CCDC3: variants seen among roughly 807,000 people sequenced by gnomAD.
CCDC3 encodes the protein coiled-coil domain-containing protein 3.
A neutral mutation model predicts 21.4 loss-of-function variants in CCDC3; 24 were observed. The ratio of observed to expected loss-of-function variants is 1.12; its 90% CI spans 0.81 to 1.58. CCDC3 has a LOEUF of 1.58. Among genes scored for constraint, CCDC3 ranks in the 40% most tolerant of loss-of-function variants. CCDC3 has a pLI of 0.00. For missense variants in CCDC3, 425 were observed against 360.9 expected, an observed-to-expected ratio of 1.18 and a Z score of -1.44; for synonymous variants, 186 against 166.0, an observed-to-expected ratio of 1.12 and a Z score of -0.93.
At chr10:12,917,177 CTTCTTTTTTT>C (rs1321110900) in intron 2 of CCDC3, among the ~76,000 whole-genome samples, 3 of 74,822 alleles carry the variant, frequency 4.0e-5, no homozygotes, top group East Asian at 4.0e-4. Flanking sequence ...CTTATTTCTT[CTTCTTTTTTT>C]TTTTTTTTTT....
At chr10:13,041,504 ATT>A (rs71477255) in intron 5 of CCDC3, among the ~76,000 whole-genome samples, 799 of 62,114 alleles carry the variant, frequency 0.013, 23 homozygotes, top group South Asian at 0.029. Context: ...CTGGCAGATA[ATT>A]TTTTTTTTTT....
intron 4 of CCDC3, among the ~76,000 whole-genome samples, chr10:13,072,305 C>T (rs1486420063): frequency 1.3e-5 from 2 of 152,150 alleles, no homozygotes; most frequent in African/African-American, 4.8e-5. Context: ...CTGTTTTCCC[C>T]AAAACAGTGC....
chr10:12,983,036 C>T lies in CCDC3; in HGVS notation c.549+15302G>A, dbSNP rs929539352. 6.7e-5 allele frequency among the ~76,000 whole-genome samples: 10 copies of T among 149,784 alleles called. 1 individual carries two copies. Among genetic ancestry groups the T allele is most frequent in the Admixed American group, 2.7e-4 (4 of 14,960 alleles). Reference sequence around the variant, plus strand: ...CTGAGGCACAAGAATGGCTTAAACCCGGAAGGCGGAGGTTCCAGTGAGCCA... The same window carrying T: ...CTGAGGCACAAGAATGGCTTAAACCTGGAAGGCGGAGGTTCCAGTGAGCCA... On this transcript the variant is annotated intron_variant, in intron 2 of 2. Transcript: ENST00000378825.
intron 4 of CCDC3, among the ~76,000 whole-genome samples, chr10:13,072,735 C>T (rs1020012741): frequency 2.6e-5 from 4 of 152,084 alleles, no homozygotes; most frequent in African/African-American, 9.7e-5. Context: ...TTCAATGTGT[C>T]CACATGTCTA....
At chr10:12,984,143 G>A (rs1461988812) in intron 2 of CCDC3, among the ~76,000 whole-genome samples, 2 of 152,136 alleles carry the variant, frequency 1.3e-5, no homozygotes, top group Non-Finnish European at 2.9e-5. Context: ...GAGAAAATGT[G>A]TACAAATCAT....
intron 3 of CCDC3, among the ~76,000 whole-genome samples, chr10:13,084,562 C>G (rs1217066386): frequency 6.6e-6 from 1 of 152,170 alleles, no homozygotes; most frequent in Non-Finnish European, 1.5e-5. Context: ...GCTGGGATTA[C>G]AGGCATGAGC....
At chr10:13,047,643 C>T (rs1836545989) in intron 5 of CCDC3, among the ~76,000 whole-genome samples, 1 of 152,154 alleles carries the variant, frequency 6.6e-6, no homozygotes, top group Non-Finnish European at 1.5e-5. Context: ...CAGTAATCTG[C>T]TCCGGAGCCC....
chr10:13,018,139 G>A (rs1357200829), intron 5 of CCDC3, among the ~76,000 whole-genome samples: 2 of 152,136 alleles, frequency 1.3e-5, no homozygotes, highest in Non-Finnish European at 1.5e-5. Flanking sequence ...GGCTGGGAGA[G>A]GGAATATGTG....
intron 5 of CCDC3, among the ~76,000 whole-genome samples, chr10:13,035,140 T>C (rs1295775747): frequency 6.6e-6 from 1 of 152,072 alleles, no homozygotes; most frequent in Non-Finnish European, 1.5e-5. Flanking sequence ...TAGAGAACAC[T>C]GATCTCTCTG....
At chr10:12,986,053 A>G (rs897548196) in intron 2 of CCDC3, among the ~76,000 whole-genome samples, 1 of 152,000 alleles carries the variant, frequency 6.6e-6, no homozygotes, top group African/African-American at 2.4e-5. Context: ...CTTTTTTTGT[A>G]TTTTTTAGTA....
chr10:13,081,145 A>G (rs1299906722), intron 3 of CCDC3, among the ~76,000 whole-genome samples: 3 of 150,408 alleles, frequency 2.0e-5, no homozygotes, highest in African/African-American at 7.3e-5. Context: ...CAACAAGAAG[A>G]CACTAGGAAC....
chr10:12,980,605 A>G (rs1440560213), intron 2 of CCDC3, among the ~76,000 whole-genome samples: 1 of 152,188 alleles, frequency 6.6e-6, no homozygotes, highest in East Asian at 1.9e-4. Flanking sequence ...AGAAGTTTGC[A>G]TGAGCTAAGA....
chr10:13,078,144 A>T (rs1367136072), intron 3 of CCDC3, among the ~76,000 whole-genome samples: 1 of 152,248 alleles, frequency 6.6e-6, no homozygotes, highest in Non-Finnish European at 1.5e-5. Flanking sequence ...ATCTACAAAG[A>T]ACTTAAACAA....
intron 4 of CCDC3, chr10:13,050,017 A>C (rs1836582987): frequency 6.6e-6 from 1 of 152,182 alleles, no homozygotes; most frequent in African/African-American, 2.4e-5. Context: ...ATGTGACATA[A>C]ATCTGTCATT....
intron 3 of CCDC3, among the ~76,000 whole-genome samples, chr10:13,081,655 T>G (rs1420441266): frequency 2.0e-5 from 3 of 152,206 alleles, no homozygotes; most frequent in African/African-American, 7.2e-5. Context: ...AGTTACTACT[T>G]TTAATGCCTG....
intron 4 of CCDC3, among the ~76,000 whole-genome samples, chr10:13,064,878 G>T (rs898255641): frequency 1.3e-5 from 2 of 152,040 alleles, no homozygotes; most frequent in Non-Finnish European, 2.9e-5. Context: ...ACAGGTAGAT[G>T]AGAGACAAAT....
At chr10:13,043,971 C>A (rs1363266859) in intron 5 of CCDC3, among the ~76,000 whole-genome samples, 1 of 152,218 alleles carries the variant, frequency 6.6e-6, no homozygotes, top group Non-Finnish European at 1.5e-5. Flanking sequence ...ACATCCTCAT[C>A]AACAGTAAAT....
At chr10:13,028,453 T>G (rs633226) in intron 5 of CCDC3, among the ~76,000 whole-genome samples, 121,963 of 152,102 alleles carry the variant, frequency 0.8, 49,900 homozygotes, top group Non-Finnish European at 0.88. Flanking sequence ...ACACAACCCA[T>G]AACAGAATTT....
intron 5 of CCDC3, among the ~76,000 whole-genome samples, chr10:13,035,052 A>T (rs1156235462): frequency 6.6e-6 from 1 of 151,718 alleles, no homozygotes; most frequent in Non-Finnish European, 1.5e-5. Flanking sequence ...AAAATTAAAA[A>T]AAAAAGAGGA....
Sources: gnomAD v4.1 joint callset for allele counts (sites outside exome capture counted in the v4.1 genomes callset) on GRCh38, gnomAD v4.1.1 for gene constraint, MANE v1.5 for transcripts, NCBI Gene and HGNC (gene_info 2026-07-23, HGNC 2026-07-21) for gene names.